The following CDYL variants were observed in gnomAD, a reference collection of about 807,000 sequenced individuals.
CDYL encodes chromodomain Y like.
A neutral mutation model predicts 47.3 loss-of-function variants in CDYL; 8 were observed. The observed-to-expected ratio is 0.17, with a 90% CI of 0.10 to 0.31. The LOEUF is 0.31. Ranked by LOEUF, CDYL falls within the 10% of genes least tolerant of loss-of-function variation. The pLI, the probability that CDYL is intolerant of heterozygous loss-of-function variation, is 1.00. For synonymous variants in CDYL, 266 were observed against 265.0 expected (o/e 1.00, Z -0.04); for missense variants, 471 against 701.4 (o/e 0.67, Z 3.71).
At chr6:4,829,889 G>A (rs1290230397) in intron 1 of CDYL, among the ~76,000 whole-genome samples, 12 of 152,340 alleles carry the variant, frequency 7.9e-5, no homozygotes, top group Non-Finnish European at 1.8e-4. Flanking sequence ...GGCCAGGGAG[G>A]CACAGCAAGT....
rs141594028 is a variant in CDYL at position 4,847,568 on chromosome 6, C to A, written c.25-44145C>A. Among the ~76,000 whole-genome samples, 103 of 152,246 alleles carry A rather than the reference C, an allele frequency of 6.8e-4. 1 individual carries two copies. In the East Asian group the frequency reaches 0.019, roughly 29 times the overall value. The stretch of plus-strand genomic sequence containing the variant: ...TATAAGATTCAAGTTAACAGTCTTT[C>A]CATTGTTTCTCTTGTCATGAACTGA... On this transcript the variant is annotated intron_variant, in intron 1 of 6. Transcript: ENST00000397588.
intron 1 of CDYL, among the ~76,000 whole-genome samples, chr6:4,824,233 G>T (rs1373581610): frequency 6.6e-6 from 1 of 152,126 alleles, no homozygotes; most frequent in Middle Eastern, 3.2e-3. Flanking sequence ...CAGGTATTTG[G>T]TATATATGTC....
intron 3 of CDYL, among the ~76,000 whole-genome samples, chr6:4,742,298 G>A (rs574884021): frequency 1.4e-4 from 21 of 151,430 alleles, no homozygotes; most frequent in South Asian, 4.2e-4. Flanking sequence ...AAGCCCAGGA[G>A]GCAGAGGTTG....
At chr6:4,829,765 G>A (rs1760083113) in intron 1 of CDYL, among the ~76,000 whole-genome samples, 1 of 152,208 alleles carries the variant, frequency 6.6e-6, no homozygotes, top group Non-Finnish European at 1.5e-5. Flanking sequence ...TGGTCTTCTA[G>A]ATAGCCTTCA....
chr6:4,876,000 T>C (rs1366343626), intron 1 of CDYL, among the ~76,000 whole-genome samples: 10 of 152,226 alleles, frequency 6.6e-5, no homozygotes, highest in Non-Finnish European at 1.5e-4. Context: ...TGATCTTAAA[T>C]ACTGCAACCA....
At chr6:4,838,252 A>G (rs1411676609) in intron 1 of CDYL, among the ~76,000 whole-genome samples, 1 of 152,112 alleles carries the variant, frequency 6.6e-6, no homozygotes, top group African/African-American at 2.4e-5. Flanking sequence ...TGGTGCACCC[A>G]TCACCCGAGC....
At chr6:4,887,882 CTT>C (rs879895642) in intron 1 of CDYL, among the ~76,000 whole-genome samples, 14 of 126,756 alleles carry the variant, frequency 1.1e-4, no homozygotes, top group Non-Finnish European at 1.4e-4. Context: ...TTACTGACTT[CTT>C]TTTTTTTTTT....
At chr6:4,893,318 G>A (rs1044837222) in intron 2 of CDYL, among the ~76,000 whole-genome samples, 10 of 152,214 alleles carry the variant, frequency 6.6e-5, no homozygotes, top group African/African-American at 1.9e-4. Context: ...AGGGCCGCAC[G>A]TGGTCCCTTC....
At chr6:4,843,845 G>C (rs1760575870) in intron 1 of CDYL, among the ~76,000 whole-genome samples, 1 of 152,056 alleles carries the variant, frequency 6.6e-6, no homozygotes, top group Non-Finnish European at 1.5e-5. Context: ...ATTTCTTCTT[G>C]TTTTGAATCC....
chr6:4,852,572 CT>C lies in CDYL; in HGVS notation c.25-39139del, dbSNP rs1561670433. On this transcript the variant is annotated intron_variant, in intron 1 of 6. Coordinates refer to ENST00000397588, the MANE Select transcript of CDYL (RefSeq NM_004824.4). ...CCTTCCTTCCTTCCAATCTTCCTTC[CT>C]TCCTTCCAATCTTCCTTCCTCCTTC... Among the ~76,000 whole-genome samples the C allele has an allele frequency of 2.4e-3, 325 of 135,462 alleles. 23 individuals are homozygous for C. The highest frequency in any genetic ancestry group is 9.7e-3 in the African/African-American group (314 of 32,324). The allele number at this position is 135,462 out of a possible 152,430, so 88.9% of individuals were successfully genotyped here. A position where few individuals can be genotyped will look rare whatever the true frequency, so the allele number is the denominator to read the frequency against.
At chr6:4,723,147 T>G (rs957314270) in intron 2 of CDYL, among the ~76,000 whole-genome samples, 1 of 152,122 alleles carries the variant, frequency 6.6e-6, no homozygotes, top group Non-Finnish European at 1.5e-5. Context: ...TACAACAATA[T>G]AAATAATACA....
intron 2 of CDYL, among the ~76,000 whole-genome samples, chr6:4,921,998 T>C (rs1757729734): frequency 6.6e-6 from 1 of 152,164 alleles, no homozygotes; most frequent in Admixed American, 6.5e-5. Context: ...GTTTTTCACG[T>C]AGGTACCGTT....
At chr6:4,894,900 C>CAT (rs1338149494) in intron 2 of CDYL, among the ~76,000 whole-genome samples, 50 of 142,456 alleles carry the variant, frequency 3.5e-4, no homozygotes, top group East Asian at 2.6e-3. Flanking sequence ...TATATATACA[C>CAT]ACGTACGTGT....
At chr6:4,898,221 CAAAAA>C (rs938663195) in intron 2 of CDYL, among the ~76,000 whole-genome samples, 1 of 15,862 alleles carries the variant, frequency 6.3e-5, no homozygotes, top group African/African-American at 7.2e-5. Flanking sequence ...GACCCTGTCT[CAAAAA>C]GAAAAAAAAA....
At chr6:4,886,926 T>C (rs891119373) in intron 1 of CDYL, among the ~76,000 whole-genome samples, 2 of 152,232 alleles carry the variant, frequency 1.3e-5, no homozygotes, top group Admixed American at 6.5e-5. Context: ...GATATCCAGT[T>C]GTCCCAAGAT....
intron 1 of CDYL, among the ~76,000 whole-genome samples, chr6:4,860,629 T>C (rs1761141108): frequency 6.8e-6 from 1 of 147,734 alleles, no homozygotes; most frequent in Admixed American, 6.8e-5. Context: ...TATCATATTA[T>C]GTATATTATA....
chr6:4,892,198 G>A lies in CDYL; in HGVS notation c.510G>A (p.Glu170=), dbSNP rs771854902. ...SESPEKLDPV[E]QGQEDTVAPE... ...GCCCTGAGAAACTGGACCCCGTCGA[G>A]CAGGGTCAGGAGGACACAGTGGCAC... Residue 170 remains glutamate (E), a synonymous_variant, in exon 2 of 7, where the codon GAG becomes GAA. Coordinates refer to ENST00000397588, the MANE Select transcript of CDYL (RefSeq NM_004824.4). The A allele has an allele frequency of 1.9e-5, 31 of 1,614,112 alleles. No individual in the cohort carries two copies. Among genetic ancestry groups the A allele is most frequent in the Non-Finnish European group, 2.3e-5 (27 of 1,180,062 alleles).
intron 3 of CDYL, among the ~76,000 whole-genome samples, chr6:4,743,750 A>C (rs1163493370): frequency 5.9e-5 from 9 of 152,240 alleles, no homozygotes; most frequent in African/African-American, 1.2e-4. Context: ...GATAAGGTTT[A>C]GTTGCATAAA....
chr6:4,793,355 G>A (rs1758981523), intron 1 of CDYL, among the ~76,000 whole-genome samples: 1 of 152,166 alleles, frequency 6.6e-6, no homozygotes, highest in African/African-American at 2.4e-5. Context: ...TGGCTGGTGG[G>A]GGTGGTGTTA....
Sources: allele counts gnomAD v4.1 joint callset (sites outside exome capture counted in the v4.1 genomes callset), GRCh38; gene constraint gnomAD v4.1.1; transcripts MANE v1.5; gene names NCBI Gene and HGNC (gene_info 2026-07-23, HGNC 2026-07-21).